NLRP3: variants seen among roughly 807,000 people sequenced by gnomAD.
The protein encoded by NLRP3 is NACHT, LRR and PYD domains-containing protein 3.
A neutral mutation model predicts 91.3 loss-of-function variants in NLRP3; 48 were observed. That is an observed-to-expected ratio of 0.53 (90% confidence interval 0.42 to 0.67). The LOEUF is 0.67. NLRP3 is among the 30% of genes least tolerant of loss of function. The pLI, the probability that NLRP3 is intolerant of heterozygous loss-of-function variation, is 0.00. For missense variants in NLRP3, 982 were observed against 1,276.9 expected, an observed-to-expected ratio of 0.77 and a Z score of 3.52; for synonymous variants, 561 against 507.9, an observed-to-expected ratio of 1.10 and a Z score of -1.41.
At chr1:247,441,069 A>ATTCC (rs34747357) in intron 7 of NLRP3, among the ~76,000 whole-genome samples, 4 of 147,690 alleles carry the variant, frequency 2.7e-5, no homozygotes, top group African/African-American at 5.0e-5. Context: ...TCTTCTTCAG[A>ATTCC]TTCCTTCCTT....
chr1:247,423,149 A>T (rs187673628), intron 2 of NLRP3, 81 bp from the exon 3 acceptor site: 192 of 1,595,394 alleles, frequency 1.2e-4, no homozygotes, highest in Admixed American at 1.8e-4. Flanking sequence ...CTCCTCTCTC[A>T]TGCCAAATAT....
At chr1:247,429,798 TGA>T (rs375270676) in intron 5 of NLRP3, 43 bp downstream of exon 5, 5,199 of 1,540,040 alleles carry the variant, frequency 3.4e-3, no homozygotes, top group Middle Eastern at 4.4e-3. Flanking sequence ...CAAGTTCATA[TGA>T]GAGAGAGAGA....
chr1:247,435,116 G>A (rs1663686995), intron 6 of NLRP3, among the ~76,000 whole-genome samples: 1 of 152,112 alleles, frequency 6.6e-6, no homozygotes, highest in Non-Finnish European at 1.5e-5. Context: ...GCCAGGCATG[G>A]TGGTGCATGC....
chr1:247,422,764 C>T (rs891314193), intron 2 of NLRP3, among the ~76,000 whole-genome samples: 2 of 152,144 alleles, frequency 1.3e-5, no homozygotes, highest in South Asian at 2.1e-4. Flanking sequence ...AACCAGACAT[C>T]TAGACTTGAC....
intron 7 of NLRP3, among the ~76,000 whole-genome samples, chr1:247,438,378 G>GTGTTTTTTT (rs778311030): frequency 1.1e-4 from 8 of 71,922 alleles, no homozygotes; most frequent in African/African-American, 1.6e-4. Context: ...GTTTAGTTGT[G>GTGTTTTTTT]TTTTTTTTTT....
intron 5 of NLRP3, among the ~76,000 whole-genome samples, chr1:247,430,430 AG>A (rs34367969): frequency 0.35 from 52,474 of 151,654 alleles, 10,128 homozygotes; most frequent in South Asian, 0.45. Context: ...AGGCACAGTC[AG>A]GCATGACTAC....
intron 3 of NLRP3, 142 bp from the exon 4 acceptor site, chr1:247,423,705 C>T: frequency 1.2e-6 from 1 of 800,864 alleles, no homozygotes; most frequent in African/African-American, 1.7e-5. Context: ...TTCTCGGCAC[C>T]TTTCCTACCC....
intron 8 of NLRP3, 26 bp from the exon 9 acceptor site, chr1:247,444,625 T>G: frequency 6.2e-7 from 1 of 1,613,550 alleles, no homozygotes. Context: ...AGGGGACATT[T>G]TCTTTAAATC....
intron 7 of NLRP3, among the ~76,000 whole-genome samples, chr1:247,439,204 G>A (rs369508450): frequency 5.3e-4 from 80 of 152,320 alleles, no homozygotes; most frequent in African/African-American, 1.6e-3. Flanking sequence ...TGTTGCATTT[G>A]TAATACATTG....
rs539899178 is a variant in NLRP3 at position 247,434,518 on chromosome 1, G to A, written c.2492+245G>A. 1.8e-3 allele frequency among the ~76,000 whole-genome samples: 273 copies of A among 152,330 alleles called. 4 individuals carry two copies. The highest frequency in any genetic ancestry group is 1.5e-3 in the Admixed American group (23 of 15,296). ...AAAAGAAGATGTCTGCCTTTAGGGT[G>A]CCTACTGCCTAGCTGACAAAAAGAA... On this transcript the variant is annotated intron_variant, in intron 6 of 9. Coordinates refer to ENST00000336119, the MANE Select transcript of NLRP3 (RefSeq NM_001243133.2).
rs1174278792 is a variant in NLRP3 at position 247,418,792 on chromosome 1, C to T, written c.-9C>T. 1 of 1,613,490 alleles carries T rather than the reference C, an allele frequency of 6.2e-7. No individual in the cohort carries two copies. Among genetic ancestry groups the T allele is most frequent in the Non-Finnish European group, 8.5e-7 (1 of 1,180,032 alleles). ...AGCCTAAGGACCCTGAAAACAGCTG[C>T]AGATGAAGATGGCAAGCACCCGCTG... On this transcript the variant is annotated 5_prime_UTR_variant, in exon 2 of 10. Coordinates refer to ENST00000336119, the MANE Select transcript of NLRP3 (RefSeq NM_001243133.2).
At chr1:247,431,234 C>T (rs1663300353) in intron 5 of NLRP3, among the ~76,000 whole-genome samples, 1 of 151,684 alleles carries the variant, frequency 6.6e-6, no homozygotes, top group Non-Finnish European at 1.5e-5. Context: ...CTTTCTCCCA[C>T]ACCATGAATC....
At chr1:247,435,440 A>C (rs1663712947) in intron 6 of NLRP3, among the ~76,000 whole-genome samples, 1 of 152,210 alleles carries the variant, frequency 6.6e-6, no homozygotes, top group Non-Finnish European at 1.5e-5. Flanking sequence ...CCTCGGGGAC[A>C]TTATGCTAAG....
In NLRP3 at chr1:247,423,321, G is replaced by C; in HGVS notation, c.369G>C (p.Ser123=). ...GGATGGGTTTACTGGAGTACCTTTC[G>C]AGAATCTCTATTTGTAAAATGAAGA... is the stretch of plus-strand genomic sequence containing the variant. ...EEWMGLLEYL[S]RISICKMKKD... The change falls in exon 3 of 10, where the codon TCG becomes TCC. Residue 123 remains serine, a synonymous_variant. Transcript: ENST00000336119. 2.5e-6 allele frequency: 4 copies of C among 1,592,630 alleles called. No homozygotes were observed. Among genetic ancestry groups the C allele is most frequent in the Non-Finnish European group, 3.4e-6 (4 of 1,166,720 alleles).
chr1:247,424,941 T>C lies in NLRP3; in HGVS notation c.1492T>C (p.Ser498Pro). Residue 498 changes from serine to proline, a missense_variant, in exon 4 of 10, where the codon TCT becomes CCT. Transcript: ENST00000336119. This position sits in a 1 kb window ranked among gnomAD's most constrained non-coding sequence, Gnocchi z 8.1. ...RNHGLQKADV[S>P]AFLRMNLFQK... ...TCATGGACTGCAGAAGGCGGATGTG[T>C]CTGCTTTCCTGAGGATGAACCTGTT... 1 of 1,613,936 alleles carries C rather than the reference T, an allele frequency of 6.2e-7. No homozygotes were observed.
At chr1:247,448,293 A>AAT in intron 9 of NLRP3, 112 bp from the exon 10 acceptor site, 7 of 293,516 alleles carry the variant, frequency 2.4e-5, no homozygotes, top group Middle Eastern at 8.7e-4. Context: ...TTTTTTTTAC[A>AAT]TTTTAGAAGT....
At chr1:247,443,237 ATTT>A (rs1353098315) in intron 7 of NLRP3, among the ~76,000 whole-genome samples, 2 of 151,928 alleles carry the variant, frequency 1.3e-5, no homozygotes, top group Non-Finnish European at 2.9e-5. Context: ...GGCCTTATTT[ATTT>A]ATTTATTTAG....
chr1:247,445,475 C>G (rs60641335), intron 9 of NLRP3, among the ~76,000 whole-genome samples: 27,785 of 152,176 alleles, frequency 0.18, 3,008 homozygotes, highest in African/African-American at 0.3. Flanking sequence ...GCTGGGATTA[C>G]AGGTGTGAGC....
chr1:247,443,720 C>G (rs1191521262), intron 7 of NLRP3, among the ~76,000 whole-genome samples: 2 of 152,182 alleles, frequency 1.3e-5, no homozygotes, highest in Admixed American at 1.3e-4. Flanking sequence ...TATGGGGTAA[C>G]TGGCTCAGTT....
Sources: allele counts gnomAD v4.1 joint callset (sites outside exome capture counted in the v4.1 genomes callset), GRCh38; gene constraint gnomAD v4.1.1; non-coding constraint Gnocchi (gnomAD v3.1); transcripts MANE v1.5; gene names NCBI Gene and HGNC (gene_info 2026-07-23, HGNC 2026-07-21).